Variants in GPATCH2 observed in about 807,000 individuals in gnomAD.
GPATCH2 encodes G-patch domain containing 2, also known as G patch domain-containing protein 2.
In GPATCH2, 51 loss-of-function variants were observed where a neutral mutation model predicts 58.0. The observed-to-expected ratio is 0.88, with a 90% CI of 0.70 to 1.11. GPATCH2 has a LOEUF of 1.11. Ranked by LOEUF, GPATCH2 falls within the 50% of genes most tolerant of loss-of-function variation. The probability of loss-of-function intolerance (pLI) is 0.00; values close to 1 mark genes in which losing one functional copy is unlikely to be tolerated. For missense variants in GPATCH2, 625 were observed against 652.2 expected, an observed-to-expected ratio of 0.96 and a Z score of 0.45; for synonymous variants, 222 against 218.5, an observed-to-expected ratio of 1.02 and a Z score of -0.14.
intron 9 of GPATCH2, among the ~76,000 whole-genome samples, chr1:217,436,834 C>T (rs547354790): frequency 1.3e-5 from 2 of 152,272 alleles, no homozygotes; most frequent in South Asian, 2.1e-4. Flanking sequence ...CCAGTTAGAA[C>T]TTGAACTTAG....
In GPATCH2 at chr1:217,465,143, T is replaced by G. The variant is rs199856363; in HGVS notation, c.1278-15806A>C. ...AATTAAACTAAAAGGAACAGAGGAGTGAGCCATATGATGGAGAACTAGAAT... is the reference window on the plus strand; with the variant it reads ...AATTAAACTAAAAGGAACAGAGGAGGGAGCCATATGATGGAGAACTAGAAT... On this transcript the variant is annotated intron_variant, in intron 8 of 9. Coordinates refer to ENST00000366935, the MANE Select transcript of GPATCH2 (RefSeq NM_018040.5). 6.7e-5 allele frequency among the ~76,000 whole-genome samples: 10 copies of G among 149,358 alleles called. No homozygotes were observed. In the East Asian group the frequency reaches 1.6e-3, roughly 24 times the overall value.
chr1:217,470,922 C>T (rs950713724), intron 8 of GPATCH2, among the ~76,000 whole-genome samples: 11 of 151,452 alleles, frequency 7.3e-5, no homozygotes, highest in Non-Finnish European at 1.5e-4. Flanking sequence ...TTCATTCATG[C>T]GTACATAAGA....
intron 9 of GPATCH2, among the ~76,000 whole-genome samples, chr1:217,435,091 T>G (rs1216410325): frequency 6.6e-6 from 1 of 152,194 alleles, no homozygotes; most frequent in East Asian, 1.9e-4. Context: ...ATCCTTCTTT[T>G]ATGAGATTAA....
chr1:217,563,305 T>C (rs969079568), intron 5 of GPATCH2, among the ~76,000 whole-genome samples: 1 of 152,146 alleles, frequency 6.6e-6, no homozygotes, highest in Admixed American at 6.5e-5. Context: ...CTACAAAAAA[T>C]AGTTATACTG....
At chr1:217,587,020 A>T (rs1667372272) in intron 5 of GPATCH2, among the ~76,000 whole-genome samples, 1 of 152,180 alleles carries the variant, frequency 6.6e-6, no homozygotes, top group Non-Finnish European at 1.5e-5. Context: ...TGGAAGTATA[A>T]CTAAGAGCCT....
chr1:217,595,193 C>T (rs577936513), intron 5 of GPATCH2, among the ~76,000 whole-genome samples: 1 of 152,176 alleles, frequency 6.6e-6, no homozygotes, highest in Non-Finnish European at 1.5e-5. Context: ...GGGCTAATGC[C>T]AAATATGTGG....
chr1:217,438,326 C>T (rs1658948761), intron 9 of GPATCH2, among the ~76,000 whole-genome samples: 1 of 152,142 alleles, frequency 6.6e-6, no homozygotes, highest in Non-Finnish European at 1.5e-5. Context: ...CGCCTCTTCT[C>T]CTCTAAAGGA....
chr1:217,598,781 A>G (rs1280170948), intron 5 of GPATCH2, among the ~76,000 whole-genome samples: 9 of 152,226 alleles, frequency 5.9e-5, no homozygotes, highest in Non-Finnish European at 1.0e-4. Flanking sequence ...AATATTAAAC[A>G]CATACAATGT....
At chr1:217,431,436 A>T in intron 9 of GPATCH2, 71 bp from the exon 10 acceptor site, 2 of 883,924 alleles carry the variant, frequency 2.3e-6, no homozygotes, top group Non-Finnish European at 3.8e-6. Flanking sequence ...TATGAAAACG[A>T]TGTTCTCCTA....
At chr1:217,445,769 T>C (rs1270952693) in intron 9 of GPATCH2, among the ~76,000 whole-genome samples, 1 of 152,168 alleles carries the variant, frequency 6.6e-6, no homozygotes, top group Non-Finnish European at 1.5e-5. Flanking sequence ...TCACAATTAA[T>C]AAATGTTCAA....
intron 7 of GPATCH2, 111 bp from the exon 8 acceptor site, chr1:217,491,861 G>GT: frequency 2.6e-6 from 1 of 384,294 alleles, no homozygotes; most frequent in Non-Finnish European, 4.5e-6. Flanking sequence ...TATTTGCACG[G>GT]CTTTTTTTTT....
intron 8 of GPATCH2, among the ~76,000 whole-genome samples, chr1:217,465,144 G>C (rs191980142): frequency 5.3e-5 from 8 of 151,728 alleles, no homozygotes; most frequent in African/African-American, 1.9e-4. Flanking sequence ...ACAGAGGAGT[G>C]AGCCATATGA....
intron 5 of GPATCH2, among the ~76,000 whole-genome samples, chr1:217,566,450 T>G (rs1666239739): frequency 6.6e-6 from 1 of 152,184 alleles, no homozygotes; most frequent in South Asian, 2.1e-4. Context: ...CTCCTTTTTG[T>G]ATACTGAATT....
rs138382876 is a variant in GPATCH2, at chr1:217,473,481, C to T, written c.1277+18199G>A. 2.6e-5 allele frequency among the ~76,000 whole-genome samples: 4 copies of T among 151,730 alleles called. No individual in the cohort carries two copies. In the East Asian group the frequency reaches 5.8e-4, roughly 22 times the overall value. On this transcript the variant is annotated intron_variant, in intron 8 of 9. Transcript: ENST00000366935. ...TTATGAAAAGAATTTCATGTTTTCC[C>T]GAATTGTCATCATGGTTTCAAAGGT...
intron 5 of GPATCH2, among the ~76,000 whole-genome samples, chr1:217,595,306 C>G (rs1466403426): frequency 6.6e-6 from 1 of 152,062 alleles, no homozygotes; most frequent in African/African-American, 2.4e-5. Flanking sequence ...AAGGGGAACT[C>G]AATCAAATTT....
At chr1:217,558,218 A>C (rs1354906871) in intron 5 of GPATCH2, among the ~76,000 whole-genome samples, 1 of 152,144 alleles carries the variant, frequency 6.6e-6, no homozygotes, top group Non-Finnish European at 1.5e-5. Flanking sequence ...ATGTCACCTC[A>C]TCTGTACAGT....
At chr1:217,571,889 T>C (rs1373424257) in intron 5 of GPATCH2, among the ~76,000 whole-genome samples, 1 of 146,432 alleles carries the variant, frequency 6.8e-6, no homozygotes, top group Non-Finnish European at 1.5e-5. Context: ...CCACAAGAGA[T>C]TCTGAGAAAC....
At chr1:217,443,460 T>C (rs1028683904) in intron 9 of GPATCH2, among the ~76,000 whole-genome samples, 2 of 152,214 alleles carry the variant, frequency 1.3e-5, no homozygotes, top group Non-Finnish European at 2.9e-5. Flanking sequence ...CTTAAGTCAT[T>C]CTCCTTGTCT....
At chr1:217,540,993 T>G (rs1664711885) in intron 5 of GPATCH2, among the ~76,000 whole-genome samples, 1 of 152,230 alleles carries the variant, frequency 6.6e-6, no homozygotes, top group Admixed American at 6.5e-5. Context: ...TGTGTACTTG[T>G]GTGACAACCG....
Sources: gnomAD v4.1 joint callset for allele counts (sites outside exome capture counted in the v4.1 genomes callset) on GRCh38, gnomAD v4.1.1 for gene constraint, MANE v1.5 for transcripts, NCBI Gene and HGNC (gene_info 2026-07-23, HGNC 2026-07-21) for gene names.